NBEAL1: variants seen among roughly 807,000 people sequenced by gnomAD.
NBEAL1 encodes neurobeachin like 1.
A neutral mutation model predicts 351.3 loss-of-function variants in NBEAL1; 273 were observed. The ratio of observed to expected loss-of-function variants is 0.78; its 90% confidence interval spans 0.70 to 0.86. The LOEUF is 0.86. NBEAL1 is among the 40% of genes least tolerant of loss of function. NBEAL1 has a pLI of 0.00. For synonymous variants in NBEAL1, 1,050 were observed against 1,086.4 expected (o/e 0.97, Z 0.66); for missense variants, 2,961 against 3,201.3 (o/e 0.92, Z 1.81).
At chr2:203,028,184 A>AT (rs925239759) in intron 2 of NBEAL1, among the ~76,000 whole-genome samples, 234 of 142,398 alleles carry the variant, frequency 1.6e-3, no homozygotes, top group Middle Eastern at 3.7e-3. Flanking sequence ...GCCTGGCCCA[A>AT]TTTTTTTTTT....
chr2:203,197,442 C>A (rs1252131202), intron 48 of NBEAL1, 51 bp downstream of exon 48: 1 of 1,207,614 alleles, frequency 8.3e-7, no homozygotes, highest in Admixed American at 1.9e-5. Context: ...TTCATTACAA[C>A]TTAGAAAAAA....
At position 203,057,410 on chromosome 2, in the gene NBEAL1, A is replaced by ATCTTATATATGATTG; in HGVS notation, c.472_473insTCTTATATATGATTG (p.Ser158delinsIleLeuTyrMetIleGly). 6.4e-7 allele frequency: 1 copy of ATCTTATATATGATTG among 1,552,896 alleles called. No individual in the cohort carries two copies. The highest frequency in any genetic ancestry group is 8.7e-7 in the Non-Finnish European group (1 of 1,146,708). On this transcript the variant is annotated protein_altering_variant, in exon 6 of 56. Coordinates refer to ENST00000683969, the MANE Select transcript of NBEAL1 (RefSeq NM_001378026.1). Reference sequence around the variant, plus strand: ...GATCCACGCATTGGCATTTTGTGAAAGCTTATATGATCCATATCGGAATTG... The same window carrying ATCTTATATATGATTG: ...GATCCACGCATTGGCATTTTGTGAAATCTTATATATGATTGGCTTATATGATCCATATCGGAATTG...
intron 35 of NBEAL1, among the ~76,000 whole-genome samples, chr2:203,152,331 A>G (rs2063677491): frequency 6.8e-6 from 1 of 147,950 alleles, no homozygotes; most frequent in African/African-American, 2.5e-5. Context: ...AGTATCTTAG[A>G]TTGGCCAATG....
intron 21 of NBEAL1, 21 bp downstream of exon 21, chr2:203,126,114 G>A (rs1279058695): frequency 2.0e-6 from 3 of 1,519,214 alleles, no homozygotes; most frequent in Admixed American, 2.3e-5. Flanking sequence ...CTAACATTGT[G>A]TTGATGTAGC....
At chr2:203,104,781 G>A (rs72934537) in intron 12 of NBEAL1, among the ~76,000 whole-genome samples, 14,051 of 152,140 alleles carry the variant, frequency 0.092, 763 homozygotes, top group Non-Finnish European at 0.13. Flanking sequence ...CTCTGAAAAG[G>A]ATCTTATTCT....
At chr2:203,187,110 G>A (rs552125976) in intron 44 of NBEAL1, among the ~76,000 whole-genome samples, 46 of 152,296 alleles carry the variant, frequency 3.0e-4, no homozygotes, top group Non-Finnish European at 6.3e-4. Context: ...ATGTCCCCCG[G>A]CTGGAGTGCA....
intron 49 of NBEAL1, among the ~76,000 whole-genome samples, chr2:203,200,835 G>A (rs1331943796): frequency 6.6e-6 from 1 of 152,164 alleles, no homozygotes; most frequent in East Asian, 1.9e-4. Flanking sequence ...ACAACTTCAT[G>A]AGATTAAGGA....
At position 203,049,797 on chromosome 2, in the gene NBEAL1, T is replaced by C. The variant is rs2061295119; in HGVS notation, c.144-17T>C. 1 of 1,497,812 alleles carries C rather than the reference T, an allele frequency of 6.7e-7. No homozygotes were observed. Among genetic ancestry groups the C allele is most frequent in the East Asian group, 2.5e-5 (1 of 40,214 alleles). The allele number at this position is 1,497,812 out of a possible 1,614,324, so 92.8% of individuals were successfully genotyped here. On this transcript the variant is annotated splice_polypyrimidine_tract_variant and intron_variant, in intron 3 of 55. Transcript: ENST00000683969. The stretch of plus-strand genomic sequence containing the variant: ...GTATTTCAACAGGCTTCTTATTTTT[T>C]TCCCTTTCTGTTGTAGGGTAGATGA...
At chr2:203,015,174 C>T (rs887055293) in intron 1 of NBEAL1, among the ~76,000 whole-genome samples, 192 bp downstream of exon 1, 2 of 152,166 alleles carry the variant, frequency 1.3e-5, no homozygotes, top group African/African-American at 4.8e-5. Flanking sequence ...GTCCGCATTC[C>T]TCAGTTCTAG....
At chr2:203,162,327 T>C (rs1186988750) in intron 36 of NBEAL1, among the ~76,000 whole-genome samples, 1 of 152,120 alleles carries the variant, frequency 6.6e-6, no homozygotes, top group Non-Finnish European at 1.5e-5. Flanking sequence ...CCCAGCCTAA[T>C]ATTTAACTTT....
chr2:203,168,893 C>CAAA (rs35683401), intron 38 of NBEAL1, among the ~76,000 whole-genome samples: 47 of 96,976 alleles, frequency 4.8e-4, no homozygotes, highest in East Asian at 1.5e-3. Flanking sequence ...GACTCCATCT[C>CAAA]AAAAAAAAAA....
At chr2:203,063,611 T>G (rs2061535784) in intron 6 of NBEAL1, among the ~76,000 whole-genome samples, 1 of 152,158 alleles carries the variant, frequency 6.6e-6, no homozygotes, top group South Asian at 2.1e-4. Flanking sequence ...CTTCCTTCAA[T>G]ATGACTTGTT....
chr2:203,062,184 A>G lies in NBEAL1; in HGVS notation c.515+4731A>G. 1 of 434,716 alleles carries G rather than the reference A, an allele frequency of 2.3e-6. No individual in the cohort carries two copies. The highest frequency in any genetic ancestry group is 4.6e-6 in the Non-Finnish European group (1 of 219,560). 26.9% of individuals were successfully genotyped at this position (434,716 alleles called of 1,614,324 possible). A position where few individuals can be genotyped will look rare whatever the true frequency, so the allele number is the denominator to read the frequency against. On this transcript the variant is annotated intron_variant, in intron 6 of 55. Transcript: ENST00000683969. The surrounding 1 kb of genome is among the most constrained non-coding windows in gnomAD (Gnocchi z 4.2). ...TTTCTCCACCTTGACTATTTTGTTT[A>G]CCTTCACACAGTCTCTCTACCATAT...
At chr2:203,060,627 G>A (rs942023509) in intron 6 of NBEAL1, among the ~76,000 whole-genome samples, 7 of 152,274 alleles carry the variant, frequency 4.6e-5, no homozygotes, top group Non-Finnish European at 1.0e-4. Flanking sequence ...GCATTGCTAA[G>A]AGTATCTACG....
rs199575214 is a variant in NBEAL1 at position 203,172,758 on chromosome 2, G to C, written c.6228G>C (p.Ser2076=). The C allele has an allele frequency of 6.2e-7, 1 of 1,609,164 alleles. No homozygotes were observed. The highest frequency in any genetic ancestry group is 2.2e-5 in the East Asian group (1 of 44,576). ...VFPWILQDYT[S]EELDLNNPAV... is the part of the protein sequence containing the mutation. ...CCTGGATTTTACAAGATTATACTTC[G>C]GAAGAGTTGGACCTTAATAACCCTG... Residue 2076 remains serine (S), a synonymous_variant, in exon 41 of 56, where the codon TCG becomes TCC. Coordinates refer to ENST00000683969, the MANE Select transcript of NBEAL1 (RefSeq NM_001378026.1).
intron 8 of NBEAL1, among the ~76,000 whole-genome samples, chr2:203,079,833 A>T (rs907420865): frequency 6.6e-6 from 1 of 152,162 alleles, no homozygotes; most frequent in Non-Finnish European, 1.5e-5. Context: ...CATGAAGTTT[A>T]ATGCTTAGAT....
At chr2:203,077,360 A>T (rs1316252187) in intron 7 of NBEAL1, among the ~76,000 whole-genome samples, 1 of 151,588 alleles carries the variant, frequency 6.6e-6, no homozygotes, top group Non-Finnish European at 1.5e-5. Context: ...ATATAGCGAG[A>T]CTCCATCTCA....
In NBEAL1 at chr2:203,144,704, A is replaced by C; in HGVS notation, c.4953A>C (p.Leu1651=). Residue 1651 remains leucine, a synonymous_variant, in exon 32 of 56, where the codon CTA becomes CTC. Transcript: ENST00000683969. ...CYILGKLEHV[L]SQSIKEQTEI... Reference sequence around the variant, plus strand: ...TTTTAGGGAAGCTGGAACATGTTCTAAGTCAATCAATCAAGGAACAGACTG... The same window carrying C: ...TTTTAGGGAAGCTGGAACATGTTCTCAGTCAATCAATCAAGGAACAGACTG... 6.2e-7 allele frequency: 1 copy of C among 1,614,164 alleles called. No individual in the cohort carries two copies. The highest frequency in any genetic ancestry group is 8.5e-7 in the Non-Finnish European group (1 of 1,179,994).
Position 203,166,258 on chromosome 2 carries a change from C to T in NBEAL1, c.5824C>T (p.His1942Tyr). ...IPGRLEITTQ[H>Y]IYFYDGSIEK... Reference sequence around the variant, plus strand: ...TGGCAGATTAGAAATCACTACTCAACACATTTACTTCTATGATGGCAGCAT... The same window carrying T: ...TGGCAGATTAGAAATCACTACTCAATACATTTACTTCTATGATGGCAGCAT... The change falls in exon 37 of 56, where the codon CAC becomes TAC. Residue 1942 changes from histidine to tyrosine, a missense_variant. Transcript: ENST00000683969. 1 of 1,611,040 alleles carries T rather than the reference C, an allele frequency of 6.2e-7. No individual in the cohort carries two copies. Among genetic ancestry groups the T allele is most frequent in the Non-Finnish European group, 8.5e-7 (1 of 1,179,196 alleles).
Sources: gnomAD v4.1 joint callset for allele counts (sites outside exome capture counted in the v4.1 genomes callset) on GRCh38, gnomAD v4.1.1 for gene constraint, Gnocchi (gnomAD v3.1) non-coding constraint, MANE v1.5 for transcripts, NCBI Gene and HGNC (gene_info 2026-07-23, HGNC 2026-07-21) for gene names.